WDFY3: variants seen among roughly 807,000 people sequenced by gnomAD.
WDFY3 encodes WD repeat and FYVE domain containing 3.
WDFY3 carries 66 observed loss-of-function variants against 409.6 expected under a neutral mutation model. The observed-to-expected ratio is 0.16, with a 90% confidence interval of 0.13 to 0.20. The LOEUF is 0.20. Among genes scored for constraint, WDFY3 ranks in the 10% least tolerant of loss-of-function variants. WDFY3 has a pLI of 1.00. For missense variants in WDFY3, 3,031 were observed against 4,298.1 expected (o/e 0.71, Z 8.24); for synonymous variants, 1,521 against 1,537.1 (o/e 0.99, Z 0.25).
Position 84,821,559 on chromosome 4 carries a change from A to G in WDFY3, c.1124-8T>C. 6.3e-7 allele frequency: 1 copy of G among 1,592,760 alleles called. No individual in the cohort carries two copies. Among genetic ancestry groups the G allele is most frequent in the Non-Finnish European group, 8.5e-7 (1 of 1,170,994 alleles). ...CGTTTCTCACACTGTGACCTAGAAC[A>G]GAAAAGAAAAACATAAAAGTAGGTA... is the stretch of plus-strand genomic sequence containing the variant. On this transcript the variant is annotated splice_region_variant and splice_polypyrimidine_tract_variant and intron_variant, in intron 10 of 67. Transcript: ENST00000295888.
chr4:84,948,232 C>T (rs1331811828), intron 1 of WDFY3, among the ~76,000 whole-genome samples: 2 of 152,260 alleles, frequency 1.3e-5, no homozygotes, highest in Non-Finnish European at 2.9e-5. Context: ...ACCCTCATGC[C>T]TAACATGCTT....
chr4:84,941,394 T>C (rs1772104555), intron 1 of WDFY3, among the ~76,000 whole-genome samples: 3 of 152,146 alleles, frequency 2.0e-5, no homozygotes, highest in South Asian at 2.1e-4. Flanking sequence ...CCATTTATAA[T>C]AGCACCCAAA....
At chr4:84,747,536 C>T (rs1278422304) in intron 36 of WDFY3, among the ~76,000 whole-genome samples, 1 of 152,124 alleles carries the variant, frequency 6.6e-6, no homozygotes, top group African/African-American at 2.4e-5. Context: ...GTCCAGTGAA[C>T]TCCTCAGACC....
At chr4:84,834,385 G>A (rs758594447) in intron 7 of WDFY3, among the ~76,000 whole-genome samples, 6 of 151,918 alleles carry the variant, frequency 3.9e-5, no homozygotes, top group African/African-American at 7.3e-5. Flanking sequence ...GGTGGCTCAC[G>A]CCTGTAATCC....
chr4:84,729,207 A>G (rs1157186400), intron 44 of WDFY3, among the ~76,000 whole-genome samples: 2 of 152,022 alleles, frequency 1.3e-5, no homozygotes, highest in Non-Finnish European at 2.9e-5. Flanking sequence ...ATAGAATTAA[A>G]GCCTAGTTAA....
chr4:84,733,961 G>A (rs892256854), intron 43 of WDFY3, among the ~76,000 whole-genome samples: 1 of 152,100 alleles, frequency 6.6e-6, no homozygotes, highest in African/African-American at 2.4e-5. Flanking sequence ...AATATATATG[G>A]TAATTTAAGG....
In WDFY3 at chr4:84,787,767, A is replaced by G. The variant is rs1283757092; in HGVS notation, c.3670-54T>C. The stretch of plus-strand genomic sequence containing the variant: ...AGATGTGAACACTTTCCCCAGGAAA[A>G]TAACTACTTCAGCATATGTATTTTC... On this transcript the variant is annotated intron_variant, in intron 22 of 67. Transcript: ENST00000295888. 3.8e-5 allele frequency: 54 copies of G among 1,434,844 alleles called. 1 individual carries two copies. Among genetic ancestry groups the G allele is most frequent in the East Asian group, 2.4e-5 (1 of 42,374 alleles). The allele number at this position is 1,434,844 out of a possible 1,614,324, so 88.9% of individuals were successfully genotyped here.
At chr4:84,862,758 CG>C (rs770261595) in intron 3 of WDFY3, among the ~76,000 whole-genome samples, 6 of 151,934 alleles carry the variant, frequency 3.9e-5, no homozygotes, top group Non-Finnish European at 5.9e-5. Flanking sequence ...GAGGCCTAGG[CG>C]GGTGGATCAC....
In WDFY3 at chr4:84,809,222, C is replaced by T. The variant is rs537009572; in HGVS notation, c.2345+665G>A. ...TGCCTGAGAACCCTGGATTCCCCCA[C>T]TGTAGAATGTGTCACACTATATGTA... On this transcript the variant is annotated intron_variant, in intron 14 of 67. Coordinates refer to ENST00000295888, the MANE Select transcript of WDFY3 (RefSeq NM_014991.6). 7.2e-5 allele frequency: 11 copies of T among 152,314 alleles called. No individual in the cohort carries two copies. The East Asian group carries it at 1.9e-3, about 27-fold the overall frequency. 9.4% of individuals were successfully genotyped at this position (152,314 alleles called of 1,614,324 possible). A position where few individuals can be genotyped will look rare whatever the true frequency, so the allele number is the denominator to read the frequency against.
At chr4:84,922,865 G>T (rs1374714434) in intron 2 of WDFY3, among the ~76,000 whole-genome samples, 1 of 152,018 alleles carries the variant, frequency 6.6e-6, no homozygotes, top group Non-Finnish European at 1.5e-5. Context: ...GATTATAAGC[G>T]GGAGCCACCA....
intron 4 of WDFY3, among the ~76,000 whole-genome samples, chr4:84,853,311 C>T (rs1314619592): frequency 6.6e-6 from 1 of 152,108 alleles, no homozygotes; most frequent in Non-Finnish European, 1.5e-5. Context: ...GCTGGGATTA[C>T]AGGCACCCAC....
chr4:84,696,126 G>A lies in WDFY3; in HGVS notation c.8745C>T (p.Phe2915=), dbSNP rs182783617. 9.9e-6 allele frequency: 16 copies of A among 1,614,044 alleles called. No individual in the cohort carries two copies. The African/African-American group carries it at 1.2e-4, about 12-fold the overall frequency. The change falls in exon 58 of 68, where the codon TTC becomes TTT. Residue 2915 remains phenylalanine, a synonymous_variant. Transcript: ENST00000295888. The part of the protein sequence containing the change: ...AHLHEWIDLI[F]GYKQQGPAAV... Reference sequence around the variant, plus strand: ...CAGCAGGGCCTTGCTGTTTATAACCGAAGATTAAGTCAATCCACTCATGTA... The same window carrying A: ...CAGCAGGGCCTTGCTGTTTATAACCAAAGATTAAGTCAATCCACTCATGTA...
In WDFY3 at chr4:84,705,456, G is replaced by A; in HGVS notation, c.8273C>T (p.Ala2758Val). The A allele has an allele frequency of 6.2e-7, 1 of 1,613,974 alleles. No individual in the cohort carries two copies. Among genetic ancestry groups the A allele is most frequent in the Non-Finnish European group, 8.5e-7 (1 of 1,179,952 alleles). The change falls in exon 54 of 68, where the codon GCA becomes GTA. Residue 2758 changes from alanine to valine, a missense_variant. Ala to Val is a moderately conservative substitution (Grantham distance 64). Around this residue, in one of 16 missense-constraint regions of WDFY3, gnomAD observed 129 missense variants for 305.3 expected, o/e 0.42. Coordinates refer to ENST00000295888, the MANE Select transcript of WDFY3 (RefSeq NM_014991.6). Reference sequence around the variant, plus strand: ...CTGAGCTAATCGTTCATCTGTTTGTGCTCCCATTGGCTTAGCCAGGTTTCT... The same window carrying A: ...CTGAGCTAATCGTTCATCTGTTTGTACTCCCATTGGCTTAGCCAGGTTTCT... ...TFRNLAKPMG[A>V]QTDERLAQYK...
At chr4:84,867,571 A>G (rs1168443922) in intron 3 of WDFY3, among the ~76,000 whole-genome samples, 1 of 152,222 alleles carries the variant, frequency 6.6e-6, no homozygotes, top group Non-Finnish European at 1.5e-5. Context: ...AAACCCAGAT[A>G]GTATTTCTTA....
chr4:84,716,566 G>T (rs1733962855), intron 49 of WDFY3, among the ~76,000 whole-genome samples: 1 of 151,834 alleles, frequency 6.6e-6, no homozygotes, highest in Non-Finnish European at 1.5e-5. Context: ...GGAGGCCAAG[G>T]CGGGCGGATC....
At chr4:84,956,597 A>G (rs1246911566) in intron 1 of WDFY3, among the ~76,000 whole-genome samples, 1 of 152,218 alleles carries the variant, frequency 6.6e-6, no homozygotes, top group African/African-American at 2.4e-5. Context: ...ATCCTCACTC[A>G]TTTATAGTCC....
intron 47 of WDFY3, among the ~76,000 whole-genome samples, chr4:84,720,558 T>C (rs1302482364): frequency 6.6e-6 from 1 of 152,096 alleles, no homozygotes; most frequent in Non-Finnish European, 1.5e-5. Flanking sequence ...TGGCTTGGTG[T>C]TGTCCTGGCG....
intron 36 of WDFY3, among the ~76,000 whole-genome samples, chr4:84,747,309 C>G (rs1167114610): frequency 1.3e-5 from 2 of 152,178 alleles, no homozygotes; most frequent in Non-Finnish European, 2.9e-5. Flanking sequence ...TGTCCTGTTT[C>G]TGTAATGGGC....
Position 84,678,972 on chromosome 4 carries a change from C to T in WDFY3, c.10094G>A (p.Ser3365Asn). 1 of 1,614,184 alleles carries T rather than the reference C, an allele frequency of 6.2e-7. No homozygotes were observed. The highest frequency in any genetic ancestry group is 1.1e-5 in the South Asian group (1 of 91,072). ...CTCAATGGGATTGGGGTGGGGGTGG[C>T]TAAGGGGGCCCTGCAGATGGGCTCT... ...QTRAHLQGPL[S>N]HPHPNPIEVR... Residue 3365 changes from serine (S) to asparagine (N), a missense_variant, in exon 65 of 68, where the codon AGC (serine) becomes AAC (asparagine). By Grantham distance (46) the Ser-to-Asn change is conservative. Around this residue, in one of 16 missense-constraint regions of WDFY3, gnomAD observed 378 missense variants for 477.3 expected, o/e 0.79. Transcript: ENST00000295888.
Sources: allele counts gnomAD v4.1 joint callset (sites outside exome capture counted in the v4.1 genomes callset), GRCh38; gene constraint gnomAD v4.1.1; regional missense constraint gnomAD v4.1.1; transcripts MANE v1.5; gene names NCBI Gene and HGNC (gene_info 2026-07-23, HGNC 2026-07-21).